Variants in PTPRD observed in about 807,000 individuals in gnomAD.
The protein encoded by PTPRD is receptor-type tyrosine-protein phosphatase delta.
A neutral mutation model predicts 214.5 loss-of-function variants in PTPRD; 34 were observed. The ratio of observed to expected loss-of-function variants is 0.16; its 90% CI spans 0.12 to 0.21. The LOEUF (loss-of-function observed/expected upper bound fraction) is 0.21. Ranked by LOEUF, PTPRD falls within the 10% of genes least tolerant of loss-of-function variation. PTPRD has a pLI of 1.00. For synonymous variants in PTPRD, 1,128 were observed against 845.7 expected (o/e 1.33, Z -5.79); for missense variants, 2,545 against 2,398.7 (o/e 1.06, Z -1.27).
chr9:10,244,263 C>T (rs191053265), intron 3 of PTPRD, among the ~76,000 whole-genome samples: 164 of 152,162 alleles, frequency 1.1e-3, no homozygotes, highest in African/African-American at 3.8e-3. Context: ...TCATTGTGCT[C>T]TAATATTTGT....
chr9:10,037,722 A>T (rs1194245857), intron 3 of PTPRD, among the ~76,000 whole-genome samples: 1 of 152,170 alleles, frequency 6.6e-6, no homozygotes, highest in Non-Finnish European at 1.5e-5. Context: ...TTCTTGGAAA[A>T]GATGTCATTT....
chr9:9,258,666 C>A (rs1018461891), intron 9 of PTPRD, among the ~76,000 whole-genome samples: 3 of 151,786 alleles, frequency 2.0e-5, no homozygotes, highest in Non-Finnish European at 2.9e-5. Context: ...TCTTAGCTAA[C>A]TAAGACTATA....
chr9:9,852,330 C>T (rs1323197348), intron 5 of PTPRD, among the ~76,000 whole-genome samples: 2 of 151,926 alleles, frequency 1.3e-5, no homozygotes, highest in African/African-American at 4.8e-5. Flanking sequence ...CATTGAAAAA[C>T]AATTTTTTTG....
intron 5 of PTPRD, among the ~76,000 whole-genome samples, chr9:9,936,922 G>T (rs1431178255): frequency 6.8e-6 from 1 of 147,668 alleles, no homozygotes; most frequent in Non-Finnish European, 1.5e-5. Flanking sequence ...CATGTCCTTT[G>T]TAGGGACATG....
intron 3 of PTPRD, among the ~76,000 whole-genome samples, chr9:10,298,683 A>G (rs1380070813): frequency 1.3e-5 from 2 of 151,996 alleles, no homozygotes; most frequent in Non-Finnish European, 2.9e-5. Flanking sequence ...ATTTACATAT[A>G]TACATATATA....
chr9:9,889,545 G>C (rs2153771055), intron 5 of PTPRD, among the ~76,000 whole-genome samples: 1 of 152,224 alleles, frequency 6.6e-6, no homozygotes, highest in African/African-American at 2.4e-5. Context: ...AAGCCTCTAA[G>C]TTGGTGCTTT....
At chr9:10,435,722 T>G (rs2098712737) in intron 2 of PTPRD, among the ~76,000 whole-genome samples, 1 of 151,910 alleles carries the variant, frequency 6.6e-6, no homozygotes, top group Non-Finnish European at 1.5e-5. Context: ...AAAATATGTT[T>G]TATTATCCTG....
intron 5 of PTPRD, among the ~76,000 whole-genome samples, chr9:9,901,876 A>G (rs1285860323): frequency 6.6e-6 from 1 of 152,098 alleles, no homozygotes. Context: ...AGTGCTACAC[A>G]CTCTCAAAAG....
At chr9:10,492,158 C>T (rs570775119) in intron 2 of PTPRD, among the ~76,000 whole-genome samples, 7 of 152,066 alleles carry the variant, frequency 4.6e-5, no homozygotes, top group Admixed American at 1.3e-4. Context: ...CTAGGAACAG[C>T]GCCACAATAA....
intron 11 of PTPRD, among the ~76,000 whole-genome samples, chr9:8,991,436 A>C (rs1268245060): frequency 6.6e-6 from 1 of 152,086 alleles, no homozygotes; most frequent in Admixed American, 6.6e-5. Context: ...ATTTTTATGA[A>C]TAAATCCCTT....
intron 4 of PTPRD, among the ~76,000 whole-genome samples, chr9:9,955,133 A>G (rs1324098535): frequency 6.6e-6 from 1 of 152,204 alleles, no homozygotes; most frequent in Non-Finnish European, 1.5e-5. Context: ...CCTAACAGCA[A>G]TGTAGTCAGG....
At chr9:9,893,536 T>A (rs1027023076) in intron 5 of PTPRD, among the ~76,000 whole-genome samples, 1 of 152,140 alleles carries the variant, frequency 6.6e-6, no homozygotes, top group Non-Finnish European at 1.5e-5. Flanking sequence ...GTAGGAAATA[T>A]AAAAGTTTAT....
intron 11 of PTPRD, among the ~76,000 whole-genome samples, chr9:8,850,393 C>T (rs955934781): frequency 3.3e-5 from 5 of 151,680 alleles, no homozygotes; most frequent in South Asian, 2.1e-4. Flanking sequence ...GACATAGATG[C>T]CAAACATCAA....
chr9:8,447,415 C>A (rs567490582), intron 34 of PTPRD, among the ~76,000 whole-genome samples: 1 of 152,218 alleles, frequency 6.6e-6, no homozygotes, highest in South Asian at 2.1e-4. Flanking sequence ...TGGTATCTTA[C>A]CTAAAATTTA....
At chr9:10,249,282 G>C (rs973023870) in intron 3 of PTPRD, among the ~76,000 whole-genome samples, 2 of 152,122 alleles carry the variant, frequency 1.3e-5, no homozygotes, top group African/African-American at 4.8e-5. Context: ...GTTCTCTTTT[G>C]TGTTGTGGTC....
chr9:10,416,508 A>G (rs538818789), intron 2 of PTPRD, among the ~76,000 whole-genome samples: 2 of 152,062 alleles, frequency 1.3e-5, no homozygotes, highest in East Asian at 2.0e-4. Context: ...GAAAAAGTAG[A>G]GATTTCACTG....
intron 35 of PTPRD, among the ~76,000 whole-genome samples, chr9:8,420,576 C>A (rs3901934): frequency 0.49 from 73,738 of 151,738 alleles, 18,409 homozygotes; most frequent in East Asian, 0.71. Context: ...AAAAACAAAA[C>A]GATTATATCC....
intron 3 of PTPRD, among the ~76,000 whole-genome samples, chr9:10,043,497 A>G (rs7864347): frequency 0.21 from 31,561 of 151,672 alleles, 3,863 homozygotes; most frequent in East Asian, 0.52. Context: ...CCTTCTCTCA[A>G]TGAAACTCTA....
intron 6 of PTPRD, among the ~76,000 whole-genome samples, chr9:9,745,814 C>A (rs575253549): frequency 6.6e-6 from 1 of 152,222 alleles, no homozygotes; most frequent in South Asian, 2.1e-4. Context: ...CAGTGCTTTT[C>A]ATATAGTATA....
Sources: gnomAD v4.1 joint callset for allele counts (sites outside exome capture counted in the v4.1 genomes callset) on GRCh38, gnomAD v4.1.1 for gene constraint, MANE v1.5 for transcripts, NCBI Gene and HGNC (gene_info 2026-07-23, HGNC 2026-07-21) for gene names.